HMGCLL1: variants seen among roughly 807,000 people sequenced by gnomAD.
The protein encoded by HMGCLL1 is 3-hydroxymethyl-3-methylglutaryl-CoA lyase, cytoplasmic.
Under a neutral mutation model 39.1 loss-of-function variants are expected in HMGCLL1, and 36 were observed. The observed-to-expected ratio is 0.92, with a 90% CI of 0.71 to 1.22. The LOEUF is 1.22. Ranked by LOEUF, HMGCLL1 falls within the 50% of genes most tolerant of loss-of-function variation. The pLI, the probability that HMGCLL1 is intolerant of heterozygous loss-of-function variation, is 0.00. For synonymous variants in HMGCLL1, 149 were observed against 144.0 expected (o/e 1.03, Z -0.25); for missense variants, 451 against 416.5 (o/e 1.08, Z -0.72).
At chr6:55,506,036 A>G (rs1704529149) in intron 5 of HMGCLL1, among the ~76,000 whole-genome samples, 1 of 151,672 alleles carries the variant, frequency 6.6e-6, no homozygotes, top group African/African-American at 2.4e-5. Flanking sequence ...AATAGAGTAA[A>G]CTGCTGAACT....
At chr6:55,584,777 A>T in the HMGCLL1 span, among the ~76,000 whole-genome samples, 2 of 152,100 alleles carry the variant, frequency 1.3e-5, no homozygotes, top group Admixed American at 1.3e-4. Context: ...ATAGTAACAA[A>T]TGCCAAACTG....
intron 7 of HMGCLL1, among the ~76,000 whole-genome samples, chr6:55,487,344 T>C (rs4441953): frequency 0.68 from 103,292 of 151,766 alleles, 35,149 homozygotes; most frequent in Non-Finnish European, 0.7. Flanking sequence ...ATGTGCAGAA[T>C]GTGCAGTTTT....
intron 7 of HMGCLL1, among the ~76,000 whole-genome samples, chr6:55,474,234 T>G (rs1365693802): frequency 2.0e-5 from 3 of 151,574 alleles, no homozygotes; most frequent in African/African-American, 7.3e-5. Context: ...TCTGGCATTT[T>G]AATTACACAT....
At chr6:55,479,598 T>A (rs1765623014) in intron 7 of HMGCLL1, among the ~76,000 whole-genome samples, 1 of 151,648 alleles carries the variant, frequency 6.6e-6, no homozygotes, top group Admixed American at 6.6e-5. Flanking sequence ...TTCCTTTATA[T>A]CCATTTTTCA....
the HMGCLL1 span, among the ~76,000 whole-genome samples, chr6:55,626,334 C>T: frequency 1.2e-3 from 179 of 152,190 alleles, no homozygotes; most frequent in African/African-American, 4.0e-3. Flanking sequence ...CTCTGACCAG[C>T]GCACTCACTT....
At chr6:55,635,342 T>G in the HMGCLL1 span, among the ~76,000 whole-genome samples, 53 of 152,182 alleles carry the variant, frequency 3.5e-4, no homozygotes, top group Non-Finnish European at 6.6e-4. Flanking sequence ...GCCCTAACCC[T>G]TAGTATGAAA....
the HMGCLL1 span, among the ~76,000 whole-genome samples, chr6:55,653,345 G>A: frequency 4.0e-5 from 6 of 151,882 alleles, no homozygotes; most frequent in African/African-American, 1.4e-4. Flanking sequence ...ACAATTTTAA[G>A]AAATCACTTA....
At chr6:55,677,750 AG>A in the HMGCLL1 span, among the ~76,000 whole-genome samples, 1 of 152,244 alleles carries the variant, frequency 6.6e-6, no homozygotes, top group Non-Finnish European at 1.5e-5. Context: ...CAGTTCATTA[AG>A]AGTGTGAAAT....
chr6:55,516,776 T>A (rs9464253), intron 3 of HMGCLL1, among the ~76,000 whole-genome samples, 173 bp from the exon 4 acceptor site: 15 of 152,022 alleles, frequency 9.9e-5, no homozygotes, highest in African/African-American at 3.4e-4. Context: ...TCTCATAGAC[T>A]TATAATAAGT....
chr6:55,672,850 A>G, the HMGCLL1 span, among the ~76,000 whole-genome samples: 4 of 151,976 alleles, frequency 2.6e-5, no homozygotes, highest in South Asian at 2.1e-4. Flanking sequence ...TGATTTAGCT[A>G]TAAAAACTGA....
At chr6:55,536,944 T>C (rs1359657671) in intron 3 of HMGCLL1, among the ~76,000 whole-genome samples, 2 of 152,020 alleles carry the variant, frequency 1.3e-5, no homozygotes, top group African/African-American at 4.8e-5. Context: ...AGGAAAAAAA[T>C]ATAAGATGTA....
chr6:55,554,676 C>T (rs1163810006), intron 1 of HMGCLL1, among the ~76,000 whole-genome samples: 1 of 152,032 alleles, frequency 6.6e-6, no homozygotes, highest in Non-Finnish European at 1.5e-5. Context: ...GGGACTTAGG[C>T]ATTTAGAGGA....
intron 7 of HMGCLL1, among the ~76,000 whole-genome samples, chr6:55,479,392 T>G (rs1413742959): frequency 1.3e-5 from 2 of 151,598 alleles, no homozygotes; most frequent in African/African-American, 4.9e-5. Context: ...CATTATACTA[T>G]GTGGTGGGAT....
intron 1 of HMGCLL1, among the ~76,000 whole-genome samples, chr6:55,548,145 C>T (rs1426343288): frequency 1.3e-5 from 2 of 152,118 alleles, no homozygotes; most frequent in South Asian, 4.1e-4. Flanking sequence ...TAACTTACTA[C>T]ATCAAAAAGT....
At chr6:55,655,847 T>C in the HMGCLL1 span, among the ~76,000 whole-genome samples, 1 of 152,040 alleles carries the variant, frequency 6.6e-6, no homozygotes, top group South Asian at 2.1e-4. Flanking sequence ...AATTTCTTCT[T>C]ATCAGAAACA....
the HMGCLL1 span, among the ~76,000 whole-genome samples, chr6:55,629,424 T>C: frequency 6.6e-6 from 1 of 152,148 alleles, no homozygotes; most frequent in Non-Finnish European, 1.5e-5. Context: ...CATTCAGCTT[T>C]ATAAGGGAAG....
intron 3 of HMGCLL1, among the ~76,000 whole-genome samples, chr6:55,540,085 T>A: frequency 7.0e-6 from 1 of 143,536 alleles, no homozygotes; most frequent in East Asian, 2.2e-4. Context: ...GGAAGGAAAA[T>A]ATGACTTTGT....
intron 1 of HMGCLL1, among the ~76,000 whole-genome samples, chr6:55,578,109 T>C (rs1325797368): frequency 1.3e-5 from 2 of 152,224 alleles, no homozygotes; most frequent in Admixed American, 1.3e-4. Context: ...AGTTATTTTG[T>C]TCACTAGTCG....
intron 7 of HMGCLL1, among the ~76,000 whole-genome samples, chr6:55,479,599 C>A (rs968683324): frequency 3.3e-5 from 5 of 151,450 alleles, no homozygotes; most frequent in African/African-American, 9.8e-5. Context: ...TCCTTTATAT[C>A]CATTTTTCAT....
Sources: allele counts gnomAD v4.1 joint callset (sites outside exome capture counted in the v4.1 genomes callset), GRCh38; gene constraint gnomAD v4.1.1; transcripts MANE v1.5; gene names NCBI Gene and HGNC (gene_info 2026-07-23, HGNC 2026-07-21).